The following CSMD1 variants were observed in gnomAD, a reference collection of about 807,000 sequenced individuals.
CSMD1 encodes CUB and sushi domain-containing protein 1.
Under a neutral mutation model 417.5 loss-of-function variants are expected in CSMD1, and 213 were observed. That is an observed-to-expected ratio of 0.51 (90% confidence interval 0.46 to 0.57). The LOEUF (loss-of-function observed/expected upper bound fraction) is 0.57. CSMD1 is among the 20% of genes least tolerant of loss of function. The probability of loss-of-function intolerance (pLI) is 0.00; values close to 1 mark genes in which losing one functional copy is unlikely to be tolerated. For missense variants in CSMD1, 6,923 were observed against 4,529.7 expected, an observed-to-expected ratio of 1.53 and a Z score of -15.17; for synonymous variants, 2,862 against 1,736.8, an observed-to-expected ratio of 1.65 and a Z score of -16.11.
At chr8:4,025,885 T>C (rs1797038860) in intron 4 of CSMD1, among the ~76,000 whole-genome samples, 2 of 152,128 alleles carry the variant, frequency 1.3e-5, no homozygotes, top group South Asian at 4.1e-4. Context: ...CACGGCTACA[T>C]ATATAATACA....
At chr8:4,596,150 G>A (rs578111204) in intron 2 of CSMD1, among the ~76,000 whole-genome samples, 7 of 151,996 alleles carry the variant, frequency 4.6e-5, no homozygotes, top group Non-Finnish European at 1.0e-4. Context: ...CTTGCTTCAG[G>A]AATACATAAG....
intron 10 of CSMD1, among the ~76,000 whole-genome samples, chr8:3,540,501 G>A (rs924542001): frequency 1.4e-4 from 22 of 152,150 alleles, no homozygotes; most frequent in African/African-American, 4.1e-4. Flanking sequence ...AATGTCAAAA[G>A]CAATTACAAC....
At chr8:3,717,199 T>A (rs1054245204) in intron 6 of CSMD1, among the ~76,000 whole-genome samples, 3 of 152,212 alleles carry the variant, frequency 2.0e-5, no homozygotes, top group African/African-American at 7.2e-5. Flanking sequence ...TGATAATTAT[T>A]ACATTTCAAA....
At chr8:3,553,383 A>G (rs1180107306) in intron 10 of CSMD1, among the ~76,000 whole-genome samples, 3 of 152,174 alleles carry the variant, frequency 2.0e-5, no homozygotes, top group African/African-American at 7.2e-5. Context: ...GTTTCATGAA[A>G]CAGACAGAGT....
At chr8:3,987,962 G>A (rs959240985) in intron 5 of CSMD1, among the ~76,000 whole-genome samples, 3 of 152,132 alleles carry the variant, frequency 2.0e-5, no homozygotes, top group African/African-American at 7.2e-5. Context: ...CACAACAAAG[G>A]AAACTGCTCA....
chr8:4,417,109 A>T (rs767074939), intron 3 of CSMD1, among the ~76,000 whole-genome samples: 29 of 152,076 alleles, frequency 1.9e-4, no homozygotes, highest in Non-Finnish European at 4.0e-4. Flanking sequence ...AAATGTGTTA[A>T]TTTGAATATA....
At chr8:4,338,888 T>C (rs1029547322) in intron 3 of CSMD1, among the ~76,000 whole-genome samples, 1 of 152,136 alleles carries the variant, frequency 6.6e-6, no homozygotes, top group African/African-American at 2.4e-5. Context: ...GAGAACCTTT[T>C]ACTAGAACTG....
chr8:4,447,195 G>T (rs901405096), intron 2 of CSMD1, among the ~76,000 whole-genome samples: 1 of 152,156 alleles, frequency 6.6e-6, no homozygotes, highest in Non-Finnish European at 1.5e-5. Context: ...AATTATTATG[G>T]ATAAGGGAAA....
At chr8:3,229,412 A>T (rs187965548) in intron 27 of CSMD1, among the ~76,000 whole-genome samples, 91 of 152,356 alleles carry the variant, frequency 6.0e-4, no homozygotes, top group African/African-American at 2.1e-3. Context: ...TTACTATTTT[A>T]CATAAAATAT....
At chr8:3,500,020 T>C (rs770861747) in intron 10 of CSMD1, among the ~76,000 whole-genome samples, 1 of 152,136 alleles carries the variant, frequency 6.6e-6, no homozygotes, top group African/African-American at 2.4e-5. Flanking sequence ...TCTGAAGCCC[T>C]GAATACAGGC....
At chr8:4,948,056 ATAG>A (rs1403515014) in intron 1 of CSMD1, among the ~76,000 whole-genome samples, 1 of 151,716 alleles carries the variant, frequency 6.6e-6, no homozygotes, top group Non-Finnish European at 1.5e-5. Context: ...TGTAGATACC[ATAG>A]TAGTAGAATT....
intron 26 of CSMD1, among the ~76,000 whole-genome samples, chr8:3,262,240 T>A (rs544930892): frequency 7.1e-5 from 7 of 98,018 alleles, no homozygotes; most frequent in Non-Finnish European, 1.2e-4. Flanking sequence ...TACACACACA[T>A]AGTTAATTTC....
At chr8:3,960,987 T>A (rs972190875) in intron 5 of CSMD1, among the ~76,000 whole-genome samples, 1 of 151,920 alleles carries the variant, frequency 6.6e-6, no homozygotes, top group Non-Finnish European at 1.5e-5. Context: ...TTTAAAAATA[T>A]ATTAAATTAT....
chr8:4,863,466 A>G (rs890725292), intron 1 of CSMD1, among the ~76,000 whole-genome samples: 1 of 152,092 alleles, frequency 6.6e-6, no homozygotes, highest in Non-Finnish European at 1.5e-5. Flanking sequence ...TCATTTTTAA[A>G]TTTTATACAT....
chr8:4,257,514 T>C (rs2128837333), intron 3 of CSMD1, among the ~76,000 whole-genome samples: 1 of 152,330 alleles, frequency 6.6e-6, no homozygotes, highest in African/African-American at 2.4e-5. Context: ...CTAGCCCTTT[T>C]TCAATACAGT....
At chr8:3,396,049 T>C in intron 17 of CSMD1, 145 bp downstream of exon 17, 4 of 655,496 alleles carry the variant, frequency 6.1e-6, no homozygotes, top group Non-Finnish European at 1.0e-5. Flanking sequence ...CAGAAAGTTC[T>C]TACAATTGCA....
intron 26 of CSMD1, among the ~76,000 whole-genome samples, chr8:3,256,964 G>C (rs1369595971): frequency 6.6e-6 from 1 of 152,182 alleles, no homozygotes; most frequent in Non-Finnish European, 1.5e-5. Context: ...AAATTGAGAA[G>C]AGAAAATAAA....
At chr8:3,564,216 A>C (rs943621126) in intron 10 of CSMD1, among the ~76,000 whole-genome samples, 6 of 152,120 alleles carry the variant, frequency 3.9e-5, no homozygotes, top group Non-Finnish European at 8.8e-5. Flanking sequence ...TAATTTTCCT[A>C]CTCTACTATT....
intron 10 of CSMD1, among the ~76,000 whole-genome samples, chr8:3,555,884 G>C (rs185191898): frequency 3.2e-4 from 49 of 152,130 alleles, no homozygotes; most frequent in Non-Finnish European, 6.8e-4. Context: ...ATACTGTTTA[G>C]GGTTCCAGAA....
Sources: allele counts gnomAD v4.1 joint callset (sites outside exome capture counted in the v4.1 genomes callset), GRCh38; gene constraint gnomAD v4.1.1; transcripts MANE v1.5; gene names NCBI Gene and HGNC (gene_info 2026-07-23, HGNC 2026-07-21).